Variants in RALY observed in about 807,000 individuals in gnomAD.
RALY encodes RNA-binding protein Raly.
A neutral mutation model predicts 30.7 loss-of-function variants in RALY; 15 were observed. The ratio of observed to expected loss-of-function variants is 0.49; its 90% CI spans 0.33 to 0.75. The LOEUF (loss-of-function observed/expected upper bound fraction) is 0.75, where lower values mean the gene tolerates loss of function less well. Ranked by LOEUF, RALY falls within the 30% of genes least tolerant of loss-of-function variation. The pLI is 0.02. For synonymous variants in RALY, 177 were observed against 170.8 expected (o/e 1.04, Z -0.28); for missense variants, 339 against 414.3 (o/e 0.82, Z 1.58).
At chr20:34,039,825 A>G (rs766984370) in intron 2 of RALY, among the ~76,000 whole-genome samples, 3 of 152,170 alleles carry the variant, frequency 2.0e-5, no homozygotes, top group Non-Finnish European at 4.4e-5. Context: ...TAAAAGTGCA[A>G]TAATGGGCTG....
rs2034072262 is a variant in RALY at position 34,084,386 on chromosome 20, G to A, written c.*4481G>A. The stretch of plus-strand genomic sequence containing the variant: ...GGTAGAGCATGGCCATAGGGCCTGT[G>A]AGAATAGAGGGACAGAGGGGAGAAT... On this transcript the variant is annotated 3_prime_UTR_variant, in exon 10 of 10. Coordinates refer to ENST00000246194, the MANE Select transcript of RALY (RefSeq NM_016732.3). 6.6e-6 allele frequency: 1 copy of A among 152,270 alleles called. No individual in the cohort carries two copies. The highest frequency in any genetic ancestry group is 1.5e-5 in the Non-Finnish European group (1 of 68,064). 9.4% of individuals were successfully genotyped at this position (152,270 alleles called of 1,614,324 possible). A position where few individuals can be genotyped will look rare whatever the true frequency, so the allele number is the denominator to read the frequency against.
chr20:33,997,159 A>G (rs1012941264), intron 1 of RALY, among the ~76,000 whole-genome samples: 1 of 152,162 alleles, frequency 6.6e-6, no homozygotes, highest in Non-Finnish European at 1.5e-5. Flanking sequence ...TCCGTCGCCC[A>G]GGCTGGATTG....
chr20:34,023,523 A>G (rs1221920138), intron 1 of RALY, among the ~76,000 whole-genome samples: 1 of 152,096 alleles, frequency 6.6e-6, no homozygotes, highest in African/African-American at 2.4e-5. Context: ...TCTCTGGACA[A>G]TGGCCATTGG....
chr20:34,078,578 C>G (rs1194115855), intron 9 of RALY, 25 bp downstream of exon 9: 1 of 1,531,838 alleles, frequency 6.5e-7, no homozygotes. Context: ...TCCTGATGGG[C>G]AGAGGGTGGG....
intron 2 of RALY, among the ~76,000 whole-genome samples, chr20:34,041,291 C>A (rs758903267): frequency 2.6e-5 from 4 of 152,190 alleles, no homozygotes; most frequent in Non-Finnish European, 1.5e-5. Flanking sequence ...GAGACATGCA[C>A]ACACAAAAGA....
intron 2 of RALY, among the ~76,000 whole-genome samples, chr20:34,053,424 G>A (rs377466313): frequency 1.0e-4 from 10 of 96,546 alleles, no homozygotes; most frequent in Admixed American, 4.4e-4. Context: ...TTGAGACAAG[G>A]CCTCGCTGTG....
rs1455230191 is a variant in RALY, at chr20:34,082,029, G to T, written c.*2124G>T. ...AAACAGGCCCCTTGGAATTGGGCTG[G>T]GCCTTGGCCCAGCTTAGTCAAATCA... On this transcript the variant is annotated 3_prime_UTR_variant, in exon 10 of 10. Transcript: ENST00000246194. 1 of 152,334 alleles carries T rather than the reference G, an allele frequency of 6.6e-6. No homozygotes were observed. Among genetic ancestry groups the T allele is most frequent in the East Asian group, 1.9e-4 (1 of 5,192 alleles). 9.4% of individuals were successfully genotyped at this position (152,334 alleles called of 1,614,324 possible).
chr20:34,024,557 T>C (rs543159778), intron 1 of RALY, among the ~76,000 whole-genome samples: 20 of 152,296 alleles, frequency 1.3e-4, no homozygotes, highest in African/African-American at 4.8e-4. Context: ...TTGAGTTTCA[T>C]CTATTTATGG....
intron 2 of RALY, among the ~76,000 whole-genome samples, chr20:34,064,248 T>C (rs140877857): frequency 3.7e-4 from 56 of 152,148 alleles, no homozygotes; most frequent in African/African-American, 1.2e-3. Context: ...AAGGGGAGCT[T>C]GTCGCAGATG....
intron 2 of RALY, among the ~76,000 whole-genome samples, chr20:34,044,756 G>A (rs1270024186): frequency 6.6e-6 from 1 of 152,182 alleles, no homozygotes; most frequent in African/African-American, 2.4e-5. Flanking sequence ...AGTTCCACAA[G>A]CCCGTAAGTT....
At chr20:34,060,876 A>G (rs1428993367) in intron 2 of RALY, among the ~76,000 whole-genome samples, 1 of 152,226 alleles carries the variant, frequency 6.6e-6, no homozygotes, top group Non-Finnish European at 1.5e-5. Context: ...GACGACGCAC[A>G]TGGAAGATTG....
chr20:34,009,272 C>T (rs145640074), intron 1 of RALY, among the ~76,000 whole-genome samples: 66 of 152,034 alleles, frequency 4.3e-4, no homozygotes, highest in Non-Finnish European at 7.9e-4. Flanking sequence ...CGGAGTCTCG[C>T]TCTGTCACCC....
Position 33,996,679 on chromosome 20 carries a change from A to G in RALY, c.-93+2548A>G, listed in dbSNP as rs180801314. 5.9e-4 allele frequency among the ~76,000 whole-genome samples: 90 copies of G among 152,268 alleles called. No individual in the cohort carries two copies. In the South Asian group the frequency reaches 0.012, roughly 21 times the overall value. Reference sequence around the variant, plus strand: ...TAAAATTTACCATTTAACCGTTTCAAAGTGTACATTTATGTGACATTAAAT... The same window carrying G: ...TAAAATTTACCATTTAACCGTTTCAGAGTGTACATTTATGTGACATTAAAT... On this transcript the variant is annotated intron_variant, in intron 1 of 9. Transcript: ENST00000246194.
At chr20:34,019,518 G>T (rs1036129461) in intron 1 of RALY, among the ~76,000 whole-genome samples, 22 of 152,164 alleles carry the variant, frequency 1.4e-4, no homozygotes, top group African/African-American at 5.3e-4. Flanking sequence ...ATTCTTTGAT[G>T]CTGTGGGTCG....
At position 34,082,160 on chromosome 20, in the gene RALY, C is replaced by T. The variant is rs140464132; in HGVS notation, c.*2255C>T. The stretch of plus-strand genomic sequence containing the variant: ...AGCTCTCAGTGGAACATACTTCACC[C>T]ATCCATGTACCCACATCTTTCCTTG... On this transcript the variant is annotated 3_prime_UTR_variant, in exon 10 of 10. Coordinates refer to ENST00000246194, the MANE Select transcript of RALY (RefSeq NM_016732.3). 3.0e-3 allele frequency: 461 copies of T among 152,442 alleles called. No individual in the cohort carries two copies. Among genetic ancestry groups the T allele is most frequent in the Middle Eastern group, 6.8e-3 (2 of 294 alleles). The allele number at this position is 152,442 out of a possible 1,614,324, so 9.4% of individuals were successfully genotyped here.
chr20:34,028,676 CA>C (rs2032139332), intron 1 of RALY, among the ~76,000 whole-genome samples: 1 of 114,834 alleles, frequency 8.7e-6, no homozygotes, highest in African/African-American at 3.5e-5. Flanking sequence ...TGCACTCCAG[CA>C]TGGGTGACAG....
At chr20:34,035,187 A>AAAAAAAAT (rs2032448786) in intron 2 of RALY, among the ~76,000 whole-genome samples, 1 of 134,304 alleles carries the variant, frequency 7.4e-6, no homozygotes, top group Non-Finnish European at 1.6e-5. Context: ...AAAAAAAAAA[A>AAAAAAAAT]CAGTCTGGAG....
intron 2 of RALY, among the ~76,000 whole-genome samples, chr20:34,066,513 G>C (rs946178828): frequency 6.6e-6 from 1 of 152,096 alleles, no homozygotes; most frequent in Non-Finnish European, 1.5e-5. Context: ...TCTTTTCACT[G>C]TGTTCGCACA....
At chr20:34,024,091 C>T (rs2031929555) in intron 1 of RALY, among the ~76,000 whole-genome samples, 1 of 152,014 alleles carries the variant, frequency 6.6e-6, no homozygotes, top group Non-Finnish European at 1.5e-5. Context: ...CACTGACTTC[C>T]CTCTGTGACT....
Sources: gnomAD v4.1 joint callset for allele counts (sites outside exome capture counted in the v4.1 genomes callset) on GRCh38, gnomAD v4.1.1 for gene constraint, MANE v1.5 for transcripts, NCBI Gene and HGNC (gene_info 2026-07-23, HGNC 2026-07-21) for gene names.